DLG2: variants seen among roughly 807,000 people sequenced by gnomAD.
The protein encoded by DLG2 is discs large MAGUK scaffold protein 2.
DLG2 carries 45 observed loss-of-function variants against 132.5 expected under a neutral mutation model. The observed-to-expected ratio is 0.34, with a 90% CI of 0.27 to 0.44. The LOEUF is 0.44. Ranked by LOEUF, DLG2 falls within the 20% of genes least tolerant of loss-of-function variation. The probability of loss-of-function intolerance (pLI) is 1.00; values close to 1 mark genes in which losing one functional copy is unlikely to be tolerated. For missense variants in DLG2, 1,045 were observed against 1,196.9 expected, an observed-to-expected ratio of 0.87 and a Z score of 1.87; for synonymous variants, 424 against 419.6, an observed-to-expected ratio of 1.01 and a Z score of -0.13.
chr11:84,539,810 T>C (rs949690551), intron 6 of DLG2, among the ~76,000 whole-genome samples: 3 of 152,102 alleles, frequency 2.0e-5, no homozygotes, highest in Non-Finnish European at 2.9e-5. Flanking sequence ...CAAACTATAC[T>C]ACAAGGCTAC....
chr11:85,039,713 A>T (rs1052159236), intron 6 of DLG2, among the ~76,000 whole-genome samples: 5 of 151,134 alleles, frequency 3.3e-5, no homozygotes, highest in Non-Finnish European at 7.4e-5. Flanking sequence ...ATAAAAAAAA[A>T]GTACAAATTT....
At chr11:85,611,244 T>C (rs192330666) in intron 2 of DLG2, among the ~76,000 whole-genome samples, 7 of 152,286 alleles carry the variant, frequency 4.6e-5, no homozygotes, top group African/African-American at 1.7e-4. Context: ...GCTATCAAGA[T>C]AATACAAGGA....
chr11:83,603,143 A>G (rs564414118), intron 19 of DLG2, among the ~76,000 whole-genome samples: 94 of 152,238 alleles, frequency 6.2e-4, no homozygotes, highest in Non-Finnish European at 1.1e-3. Context: ...TCAATAAATC[A>G]TATAAAATCT....
At chr11:85,462,332 C>T (rs182315540) in intron 3 of DLG2, among the ~76,000 whole-genome samples, 133 of 152,272 alleles carry the variant, frequency 8.7e-4, no homozygotes, top group African/African-American at 3.1e-3. Flanking sequence ...AATCATGCTG[C>T]TATGAAGACA....
chr11:85,040,300 G>A (rs1208708234), intron 6 of DLG2, among the ~76,000 whole-genome samples: 1 of 151,798 alleles, frequency 6.6e-6, no homozygotes, highest in Non-Finnish European at 1.5e-5. Context: ...CCAAACAAAT[G>A]CACATGACTC....
chr11:84,942,966 T>C (rs963530990), intron 6 of DLG2, among the ~76,000 whole-genome samples: 8 of 152,320 alleles, frequency 5.3e-5, no homozygotes, highest in Admixed American at 4.6e-4. Flanking sequence ...CTTATCATTA[T>C]ATAATGACGT....
intron 6 of DLG2, among the ~76,000 whole-genome samples, chr11:84,854,075 C>T (rs2082478281): frequency 6.6e-6 from 1 of 151,958 alleles, no homozygotes; most frequent in South Asian, 2.1e-4. Context: ...ATTAACTAAG[C>T]CATTGCTTAT....
intron 19 of DLG2, among the ~76,000 whole-genome samples, chr11:83,577,960 A>G (rs955655368): frequency 5.9e-5 from 8 of 136,330 alleles, no homozygotes; most frequent in African/African-American, 2.1e-4. Context: ...TTTTGTATTT[A>G]TATTATATAT....
At chr11:85,429,471 G>A (rs941476140) in intron 3 of DLG2, among the ~76,000 whole-genome samples, 9 of 152,086 alleles carry the variant, frequency 5.9e-5, no homozygotes, top group Non-Finnish European at 1.0e-4. Context: ...CTAACAAAGG[G>A]CTGATATGCA....
At chr11:84,283,290 C>T (rs1413574901) in intron 7 of DLG2, among the ~76,000 whole-genome samples, 2 of 152,192 alleles carry the variant, frequency 1.3e-5, no homozygotes, top group African/African-American at 4.8e-5. Flanking sequence ...AAGTAACTGA[C>T]ATCACCACTA....
intron 8 of DLG2, among the ~76,000 whole-genome samples, chr11:84,194,147 T>C (rs2096467215): frequency 6.6e-6 from 1 of 152,196 alleles, no homozygotes; most frequent in Admixed American, 6.5e-5. Flanking sequence ...ATTAGGGTAA[T>C]GCTTCTCTTC....
intron 3 of DLG2, among the ~76,000 whole-genome samples, chr11:85,380,139 C>T (rs927395925): frequency 6.7e-6 from 1 of 149,680 alleles, no homozygotes; most frequent in African/African-American, 2.5e-5. Flanking sequence ...ACTACTGAAC[C>T]TAGCTGTGCT....
At chr11:85,431,167 G>A (rs1013237801) in intron 3 of DLG2, among the ~76,000 whole-genome samples, 1 of 152,114 alleles carries the variant, frequency 6.6e-6, no homozygotes, top group Non-Finnish European at 1.5e-5. Flanking sequence ...CCTGCAAAAC[G>A]AGTGTTTCAA....
chr11:83,955,109 C>T (rs1052730307), intron 14 of DLG2, among the ~76,000 whole-genome samples: 1 of 152,142 alleles, frequency 6.6e-6, no homozygotes, highest in Non-Finnish European at 1.5e-5. Context: ...TAACAGCTAA[C>T]AATTATCAGG....
chr11:83,534,815 C>T (rs1260882829), intron 20 of DLG2, among the ~76,000 whole-genome samples: 2 of 152,140 alleles, frequency 1.3e-5, no homozygotes, highest in African/African-American at 2.4e-5. Context: ...TGTTGGCGGA[C>T]ACCTGTAATC....
chr11:84,955,582 T>C (rs1385118311), intron 6 of DLG2: 1 of 152,214 alleles, frequency 6.6e-6, no homozygotes, highest in Non-Finnish European at 1.5e-5. Context: ...CTTATTAATA[T>C]GTTTAATTTC....
At chr11:84,522,391 G>C (rs1048906239) in intron 7 of DLG2, among the ~76,000 whole-genome samples, 1 of 152,112 alleles carries the variant, frequency 6.6e-6, no homozygotes, top group Non-Finnish European at 1.5e-5. Flanking sequence ...GTCAAGGTGG[G>C]AGGTGGGGAG....
intron 16 of DLG2, among the ~76,000 whole-genome samples, chr11:83,849,481 G>A (rs2059258100): frequency 1.3e-5 from 2 of 151,692 alleles, no homozygotes; most frequent in African/African-American, 2.4e-5. Context: ...GAAGAAATAA[G>A]ACATAAATAT....
intron 6 of DLG2, among the ~76,000 whole-genome samples, chr11:84,722,551 T>C (rs1215848603): frequency 1.3e-5 from 2 of 152,254 alleles, no homozygotes; most frequent in Non-Finnish European, 2.9e-5. Context: ...CATAATTCTC[T>C]ATGATGCTTA....
Sources: gnomAD v4.1 joint callset for allele counts (sites outside exome capture counted in the v4.1 genomes callset) on GRCh38, gnomAD v4.1.1 for gene constraint, MANE v1.5 for transcripts, NCBI Gene and HGNC (gene_info 2026-07-23, HGNC 2026-07-21) for gene names.